ABCC9: variants seen among roughly 807,000 people sequenced by gnomAD.
ABCC9 encodes the protein ATP-binding cassette sub-family C member 9.
In ABCC9, 95 loss-of-function variants were observed where a neutral mutation model predicts 188.3. That is an observed-to-expected ratio of 0.50 (90% CI 0.43 to 0.60). ABCC9 has a LOEUF of 0.60. Among genes scored for constraint, ABCC9 ranks in the 20% least tolerant of loss-of-function variants. The pLI is 0.00. For missense variants in ABCC9, 1,102 were observed against 1,876.3 expected (o/e 0.59, Z 7.62); for synonymous variants, 659 against 652.7 (o/e 1.01, Z -0.15).
chr12:21,920,175 G>A (rs540894251), intron 5 of ABCC9, among the ~76,000 whole-genome samples: 4 of 152,024 alleles, frequency 2.6e-5, no homozygotes, highest in Non-Finnish European at 5.9e-5. Context: ...CCTAAAATCA[G>A]GAACCAGAGA....
chr12:21,821,049 A>G (rs528127129), intron 31 of ABCC9, among the ~76,000 whole-genome samples: 1 of 152,312 alleles, frequency 6.6e-6, no homozygotes, highest in Non-Finnish European at 1.5e-5. Flanking sequence ...GGAGTAAATG[A>G]CTAGATAAAT....
At chr12:21,910,685 A>G (rs1948282716) in intron 9 of ABCC9, 141 bp downstream of exon 9, 3 of 741,782 alleles carry the variant, frequency 4.0e-6, no homozygotes, top group Admixed American at 5.2e-5. Context: ...TTCTTTCATT[A>G]AGTAGATTAT....
At chr12:21,935,306 CTG>C (rs1228446176) in intron 3 of ABCC9, among the ~76,000 whole-genome samples, 1 of 152,136 alleles carries the variant, frequency 6.6e-6, no homozygotes, top group African/African-American at 2.4e-5. Context: ...TAAACAAAGA[CTG>C]ATGTTTCTAC....
intron 2 of ABCC9, among the ~76,000 whole-genome samples, chr12:21,939,301 G>A (rs1423932386): frequency 1.3e-5 from 2 of 151,768 alleles, no homozygotes; most frequent in Non-Finnish European, 2.9e-5. Context: ...CCTTTAACCC[G>A]TAGTCTCCTT....
chr12:21,816,218 G>A (rs11046195), intron 33 of ABCC9, among the ~76,000 whole-genome samples: 1 of 151,834 alleles, frequency 6.6e-6, no homozygotes, highest in African/African-American at 2.4e-5. Flanking sequence ...AGTGGACAGA[G>A]ATAGTTCATT....
chr12:21,854,184 T>G (rs572478451), intron 22 of ABCC9, among the ~76,000 whole-genome samples: 33 of 152,310 alleles, frequency 2.2e-4, no homozygotes, highest in African/African-American at 7.0e-4. Flanking sequence ...CAAAAGTAAT[T>G]GCTATTTAGA....
chr12:21,803,723 C>T (rs1941648480), intron 39 of ABCC9, among the ~76,000 whole-genome samples: 1 of 150,532 alleles, frequency 6.6e-6, no homozygotes, highest in Admixed American at 6.6e-5. Flanking sequence ...GGTTTTTATT[C>T]CATTAATCCA....
chr12:21,857,313 T>A (rs981268629), intron 22 of ABCC9, among the ~76,000 whole-genome samples: 1 of 152,170 alleles, frequency 6.6e-6, no homozygotes, highest in Admixed American at 6.6e-5. Context: ...TTGCTTGGCC[T>A]AGAGAAATGT....
At chr12:21,923,509 G>A (rs1022293825) in intron 5 of ABCC9, 1 of 235,172 alleles carries the variant, frequency 4.3e-6, no homozygotes, top group Non-Finnish European at 8.1e-6. Flanking sequence ...GATTAAAAAT[G>A]GCCAATAAAC....
intron 12 of ABCC9, among the ~76,000 whole-genome samples, chr12:21,904,243 G>T (rs966579520): frequency 6.6e-6 from 1 of 152,166 alleles, no homozygotes; most frequent in East Asian, 1.9e-4. Flanking sequence ...AGCTGAAACT[G>T]GATCCCTTCT....
chr12:21,849,331 C>T (rs1484961106), intron 24 of ABCC9, among the ~76,000 whole-genome samples: 4 of 152,094 alleles, frequency 2.6e-5, no homozygotes, highest in South Asian at 2.1e-4. Context: ...GGTTGTACTA[C>T]TTCAGATTCT....
At chr12:21,861,805 T>G (rs1474195077) in intron 20 of ABCC9, among the ~76,000 whole-genome samples, 1 of 152,100 alleles carries the variant, frequency 6.6e-6, no homozygotes, top group East Asian at 1.9e-4. Context: ...TGTAAGGGAC[T>G]GCAGGAGGTT....
chr12:21,937,577 A>G (rs1949538782), intron 2 of ABCC9, among the ~76,000 whole-genome samples: 1 of 151,988 alleles, frequency 6.6e-6, no homozygotes. Context: ...CTGTGCCCAA[A>G]CAGATGGGAG....
intron 12 of ABCC9, among the ~76,000 whole-genome samples, chr12:21,904,266 C>CA (rs1947923402): frequency 6.6e-6 from 1 of 152,122 alleles, no homozygotes. Flanking sequence ...ACACCTTATA[C>CA]AAAAAATAAT....
chr12:21,809,269 T>A (rs1942066679), intron 37 of ABCC9, among the ~76,000 whole-genome samples: 1 of 152,182 alleles, frequency 6.6e-6, no homozygotes, highest in East Asian at 1.9e-4. Flanking sequence ...CCCCTAGGAC[T>A]GAATTTTTAT....
rs1356368 is a variant in ABCC9, at chr12:21,882,939, C to T, written c.1912-66G>A. On this transcript the variant is annotated intron_variant, in intron 15 of 39. Coordinates refer to ENST00000261200, the MANE Select transcript of ABCC9 (RefSeq NM_020297.4). ...TAAAAAAATGAAGTTTTACTGAACACTTACTCACATTGCTACCTAAGTTCC... is the reference window on the plus strand; with the variant it reads ...TAAAAAAATGAAGTTTTACTGAACATTTACTCACATTGCTACCTAAGTTCC... The T allele has an allele frequency of 0.73, 890,514 of 1,220,946 alleles. 335,379 individuals carry two copies. The highest frequency in any genetic ancestry group is 0.78 in the Non-Finnish European group (639,838 of 824,044). 75.6% of individuals were successfully genotyped at this position (1,220,946 alleles called of 1,614,324 possible).
intron 2 of ABCC9, 47 bp from the exon 3 acceptor site, chr12:21,936,741 T>A (rs1432498809): frequency 7.1e-7 from 1 of 1,400,276 alleles, no homozygotes; most frequent in East Asian, 2.3e-5. Context: ...ATTAGTAAAC[T>A]CTTGTTCATA....
chr12:21,858,381 C>T (rs895240453), intron 22 of ABCC9, among the ~76,000 whole-genome samples: 24 of 151,794 alleles, frequency 1.6e-4, no homozygotes, highest in Admixed American at 1.6e-3. Flanking sequence ...CGAGACCAGC[C>T]TGACCAATAT....
chr12:21,882,771 T>A lies in ABCC9; in HGVS notation c.2014A>T (p.Ile672Leu). Residue 672 changes from isoleucine to leucine, a missense_variant, in exon 16 of 40, where the codon ATA (isoleucine) becomes TTA (leucine). Ile to Leu is a conservative substitution (Grantham distance 5). This residue lies in a region of ABCC9 where 258 missense variants were observed against 325.6 expected (regional missense o/e 0.79). Coordinates refer to ENST00000261200, the MANE Select transcript of ABCC9 (RefSeq NM_020297.4). ...ATCCAGGAAATAAAAATAACCTTTA[T>A]TGCAATGTCCTCTGTTTCTGCGGGA... Reference protein sequence around the residue: ...LRPAETEDIAIKVTNGYFSWG... With the variant: ...LRPAETEDIALKVTNGYFSWG... 1.9e-6 allele frequency: 3 copies of A among 1,607,856 alleles called. No individual in the cohort carries two copies. Among genetic ancestry groups the A allele is most frequent in the Non-Finnish European group, 2.6e-6 (3 of 1,174,320 alleles).
Sources: allele counts gnomAD v4.1 joint callset (sites outside exome capture counted in the v4.1 genomes callset), GRCh38; gene constraint gnomAD v4.1.1; regional missense constraint gnomAD v4.1.1; transcripts MANE v1.5; gene names NCBI Gene and HGNC (gene_info 2026-07-23, HGNC 2026-07-21).